Variants in SHANK2 observed in about 807,000 individuals in gnomAD.
SHANK2 encodes the protein SH3 and multiple ankyrin repeat domains protein 2.
Under a neutral mutation model 133.7 loss-of-function variants are expected in SHANK2, and 43 were observed. That is an observed-to-expected ratio of 0.32 (90% confidence interval 0.25 to 0.41). The LOEUF (loss-of-function observed/expected upper bound fraction) is 0.41, where lower values mean the gene tolerates loss of function less well. Ranked by LOEUF, SHANK2 falls within the 10% of genes least tolerant of loss-of-function variation. The pLI is 1.00. For synonymous variants in SHANK2, 1,017 were observed against 952.8 expected, an observed-to-expected ratio of 1.07 and a Z score of -1.24; for missense variants, 1,994 against 2,235.8, an observed-to-expected ratio of 0.89 and a Z score of 2.18.
chr11:70,473,070 G>T lies in SHANK2; in HGVS notation c.5349C>A (p.Val1783=), dbSNP rs373500536. The T allele has an allele frequency of 8.1e-6, 13 of 1,614,248 alleles. No homozygotes were observed. In the African/African-American group the frequency reaches 1.7e-4, roughly 22 times the overall value. Residue 1783 remains valine, a synonymous_variant, in exon 26 of 26, where the codon GTC becomes GTA. Coordinates refer to ENST00000601538, the MANE Select transcript of SHANK2 (RefSeq NM_012309.5). The surrounding 1 kb of genome is among the most constrained non-coding windows in gnomAD (Gnocchi z 5.9). ...CCACATCTGGTTTAGTCCACAGGTG[G>T]ACAGGTTTAGTTGTAAAAGGCTTAT... ...ISNKPFTTKP[V]HLWTKPDVAD...
intron 3 of SHANK2, among the ~76,000 whole-genome samples, chr11:71,131,266 C>G (rs1952300423): frequency 6.6e-6 from 1 of 152,190 alleles, no homozygotes; most frequent in African/African-American, 2.4e-5. Context: ...ACACTAAAAC[C>G]CCGGCACGGG....
At chr11:70,539,044 G>A (rs979528324) in intron 17 of SHANK2, among the ~76,000 whole-genome samples, 3 of 152,252 alleles carry the variant, frequency 2.0e-5, no homozygotes, top group Admixed American at 6.5e-5. Context: ...GCCGATGTAC[G>A]GGTTTACTTT....
Position 70,651,706 on chromosome 11 carries a change from A to G in SHANK2, c.2061+8122T>C, listed in dbSNP as rs368561421. Among the ~76,000 whole-genome samples the G allele has an allele frequency of 5.9e-5, 9 of 152,358 alleles. No individual in the cohort carries two copies. The South Asian group carries it at 6.2e-4, about 11-fold the overall frequency. On this transcript the variant is annotated intron_variant, in intron 17 of 25. Coordinates refer to ENST00000601538, the MANE Select transcript of SHANK2 (RefSeq NM_012309.5). The stretch of plus-strand genomic sequence containing the variant: ...CCCACACTCAAGAGGGATGCAGGAC[A>G]GACCCTGTTTGTCTTTGGTGTGAAT...
At chr11:70,686,466 C>G (rs1945157334) in intron 15 of SHANK2, among the ~76,000 whole-genome samples, 1 of 151,952 alleles carries the variant, frequency 6.6e-6, no homozygotes, top group African/African-American at 2.4e-5. Flanking sequence ...CCATCCAGCT[C>G]CCCATCTATC....
At chr11:70,715,957 C>T (rs1177731915) in intron 14 of SHANK2, among the ~76,000 whole-genome samples, 1 of 152,214 alleles carries the variant, frequency 6.6e-6, no homozygotes, top group African/African-American at 2.4e-5. Flanking sequence ...CAGAGCCTGC[C>T]TCTGGCTGTG....
chr11:70,664,328 G>A lies in SHANK2; in HGVS notation c.1854-2650C>T, dbSNP rs577936994. 3.9e-5 allele frequency among the ~76,000 whole-genome samples: 6 copies of A among 152,322 alleles called. No individual in the cohort carries two copies. In the South Asian group the frequency reaches 1.2e-3, roughly 32 times the overall value. On this transcript the variant is annotated intron_variant, in intron 15 of 25. Transcript: ENST00000601538. ...CTCACTCACGGCTGGGGAGGCGCAAGCTGTGTGACCAGCCTGTGTGTCTCC... is the reference window on the plus strand; with the variant it reads ...CTCACTCACGGCTGGGGAGGCGCAAACTGTGTGACCAGCCTGTGTGTCTCC...
intron 11 of SHANK2, among the ~76,000 whole-genome samples, chr11:70,828,037 G>A (rs900077192): frequency 7.9e-5 from 12 of 152,184 alleles, no homozygotes; most frequent in African/African-American, 2.4e-4. Context: ...CCAGTGCTTC[G>A]GAAGGTGGAG....
Position 71,092,410 on chromosome 11 carries a change from G to GA in SHANK2, c.912+11_912+12insT. On this transcript the variant is annotated intron_variant, in intron 8 of 25. Coordinates refer to ENST00000601538, the MANE Select transcript of SHANK2 (RefSeq NM_012309.5). ...CGTGGGTACAACAGAGTGGAGAAGC[G>GA]GGCCCACGTACCTGGTGGATCTCGT... 3 of 1,551,020 alleles carry GA rather than the reference G, an allele frequency of 1.9e-6. No individual in the cohort carries two copies. Among genetic ancestry groups the GA allele is most frequent in the Non-Finnish European group, 2.6e-6 (3 of 1,146,800 alleles).
intron 15 of SHANK2, chr11:70,661,991 G>T (rs1424498592): frequency 1.6e-6 from 1 of 616,202 alleles, no homozygotes; most frequent in African/African-American, 1.8e-5. Context: ...AGGCTCAAGG[G>T]GGGCTGGCCA....
At chr11:70,694,939 T>C (rs1315371680) in intron 15 of SHANK2, among the ~76,000 whole-genome samples, 7 of 152,156 alleles carry the variant, frequency 4.6e-5, no homozygotes, top group African/African-American at 1.4e-4. Context: ...GCCATGCTAA[T>C]AGGTTCACAG....
chr11:70,935,840 C>T (rs973779545), intron 10 of SHANK2, among the ~76,000 whole-genome samples: 3 of 152,166 alleles, frequency 2.0e-5, no homozygotes, highest in Non-Finnish European at 2.9e-5. Flanking sequence ...CCCTGAGTTC[C>T]TCGTCATGTG....
At chr11:71,159,918 T>G (rs568697175) in intron 2 of SHANK2, among the ~76,000 whole-genome samples, 2 of 140,034 alleles carry the variant, frequency 1.4e-5, no homozygotes, top group East Asian at 4.2e-4. Context: ...ACCCAGGAGA[T>G]GAAAGTTGCA....
At chr11:70,952,896 C>G (rs746493276) in intron 10 of SHANK2, 156 of 262,932 alleles carry the variant, frequency 5.9e-4, no homozygotes, top group Admixed American at 1.2e-3. Context: ...AGCCAGTGTC[C>G]AAAATGGCAT....
At chr11:70,761,937 G>GCTC (rs1947006454) in intron 14 of SHANK2, among the ~76,000 whole-genome samples, 2 of 152,204 alleles carry the variant, frequency 1.3e-5, no homozygotes, top group African/African-American at 4.8e-5. Flanking sequence ...TGCTGCTGCT[G>GCTC]CTGGTCTGGG....
chr11:70,524,619 G>A (rs1240356074), intron 17 of SHANK2, among the ~76,000 whole-genome samples: 1 of 152,200 alleles, frequency 6.6e-6, no homozygotes, highest in Non-Finnish European at 1.5e-5. Flanking sequence ...GGCCCTCAGA[G>A]ATCCCATCAG....
intron 11 of SHANK2, among the ~76,000 whole-genome samples, chr11:70,870,427 T>G (rs1949441064): frequency 6.6e-6 from 1 of 152,168 alleles, no homozygotes; most frequent in South Asian, 2.1e-4. Flanking sequence ...TTTCAGTTCC[T>G]GGGCCATAAC....
At chr11:71,166,076 C>T (rs1953142252) in intron 2 of SHANK2, among the ~76,000 whole-genome samples, 1 of 152,194 alleles carries the variant, frequency 6.6e-6, no homozygotes. Context: ...CTGGTGTCAG[C>T]CCTTCCCTTG....
At chr11:70,612,070 C>T (rs1554994405) in intron 17 of SHANK2, among the ~76,000 whole-genome samples, 3 of 152,086 alleles carry the variant, frequency 2.0e-5, no homozygotes. Context: ...CCGGGCGTGA[C>T]ACAGGCCCAG....
chr11:70,536,517 C>T lies in SHANK2; in HGVS notation c.2062-33586G>A, dbSNP rs181135816. ...GAACCCGAGAGGCAGAATGGCCGGC[C>T]GATCCTGAGGCTGTGTCTGCACCCA... is the stretch of plus-strand genomic sequence containing the variant. On this transcript the variant is annotated intron_variant, in intron 17 of 25. Transcript: ENST00000601538. 3.2e-3 allele frequency among the ~76,000 whole-genome samples: 485 copies of T among 152,208 alleles called. 7 individuals carry two copies. Among genetic ancestry groups the T allele is most frequent in the African/African-American group, 0.011 (464 of 41,552 alleles).
Sources: allele counts gnomAD v4.1 joint callset (sites outside exome capture counted in the v4.1 genomes callset), GRCh38; gene constraint gnomAD v4.1.1; non-coding constraint Gnocchi (gnomAD v3.1); transcripts MANE v1.5; gene names NCBI Gene and HGNC (gene_info 2026-07-23, HGNC 2026-07-21).